The following LINGO2 variants were observed in gnomAD, a reference collection of about 807,000 sequenced individuals.
The protein encoded by LINGO2 is leucine rich repeat and Ig domain containing 2, also known as leucine-rich repeat and immunoglobulin-like domain-containing nogo receptor-interacting protein 2.
A neutral mutation model predicts 30.6 loss-of-function variants in LINGO2; 14 were observed. The observed-to-expected ratio is 0.46, with a 90% CI of 0.30 to 0.72. The LOEUF (loss-of-function observed/expected upper bound fraction) is 0.72. LINGO2 is among the 30% of genes least tolerant of loss of function. The pLI, the probability that LINGO2 is intolerant of heterozygous loss-of-function variation, is 0.07. For missense variants in LINGO2, 729 were observed against 751.7 expected (o/e 0.97, Z 0.35); for synonymous variants, 317 against 288.5 (o/e 1.10, Z -1.00).
In LINGO2 at chr9:28,455,595, G is replaced by A. The variant is rs531186177; in HGVS notation, c.-279+20345C>T. Among the ~76,000 whole-genome samples, 9 of 152,220 alleles carry A rather than the reference G, an allele frequency of 5.9e-5. No individual in the cohort carries two copies. The East Asian group carries it at 1.7e-3, about 29-fold the overall frequency. ...AGTAAAAGATAGGTATGGGTTTTGA[G>A]AAGGGACCACATGAAGAGCAATGTA... On this transcript the variant is annotated intron_variant, in intron 2 of 5. Coordinates refer to ENST00000379992, the Ensembl canonical transcript of LINGO2.
At chr9:28,076,627 A>G (rs1421667628) in intron 4 of LINGO2, among the ~76,000 whole-genome samples, 1 of 152,086 alleles carries the variant, frequency 6.6e-6, no homozygotes, top group African/African-American at 2.4e-5. Context: ...TTACTTCTGA[A>G]ACATTCTCTA....
At chr9:28,274,011 G>C (rs1475937282) in intron 4 of LINGO2, among the ~76,000 whole-genome samples, 1 of 152,122 alleles carries the variant, frequency 6.6e-6, no homozygotes, top group Non-Finnish European at 1.5e-5. Context: ...ACAGACTTAA[G>C]AGACCATTAT....
intron 4 of LINGO2, among the ~76,000 whole-genome samples, chr9:28,072,915 G>T (rs1047621031): frequency 1.4e-4 from 21 of 151,870 alleles, no homozygotes; most frequent in African/African-American, 4.8e-4. Flanking sequence ...TTTTCTCTCT[G>T]GCCCACTTCT....
At chr9:28,949,556 C>T in the LINGO2 span, among the ~76,000 whole-genome samples, 1 of 152,094 alleles carries the variant, frequency 6.6e-6, no homozygotes, top group Non-Finnish European at 1.5e-5. Flanking sequence ...CAAGACTAAA[C>T]CAGGAAGAAG....
intron 4 of LINGO2, among the ~76,000 whole-genome samples, chr9:28,016,228 G>T (rs1413254301): frequency 6.6e-6 from 1 of 152,026 alleles, no homozygotes. Flanking sequence ...TTAAAAGCTG[G>T]CAGTAGATAC....
chr9:28,655,176 T>G (rs767887543), intron 1 of LINGO2, among the ~76,000 whole-genome samples: 1 of 152,092 alleles, frequency 6.6e-6, no homozygotes, highest in African/African-American at 2.4e-5. Context: ...AGGGACTTCC[T>G]TCTTCACTGG....
chr9:28,271,020 T>C (rs1822919556), intron 4 of LINGO2, among the ~76,000 whole-genome samples: 1 of 152,110 alleles, frequency 6.6e-6, no homozygotes, highest in Non-Finnish European at 1.5e-5. Flanking sequence ...TATAGGATCA[T>C]CAGAAGCATG....
rs143314360 is a variant in LINGO2, at chr9:28,148,945, C to T, written c.-86-136540G>A. The T allele has an allele frequency of 6.3e-4, 965 of 1,534,030 alleles. 5 individuals are homozygous for T. The African/African-American group carries it at 0.011, about 17-fold the overall frequency. ...CTTCTCCACACAGAGCTGCCGGCCA[C>T]AGTTCCCACAAAAGAAAACTGTCGG... is the stretch of plus-strand genomic sequence containing the variant. On this transcript the variant is annotated intron_variant, in intron 4 of 5. Transcript: ENST00000379992. The surrounding 1 kb of genome is among the most constrained non-coding windows in gnomAD (Gnocchi z 5.1).
At chr9:28,733,824 A>T in the LINGO2 span, among the ~76,000 whole-genome samples, 1 of 152,020 alleles carries the variant, frequency 6.6e-6, no homozygotes, top group Non-Finnish European at 1.5e-5. Context: ...ATCCATTCAC[A>T]TATCTATTCT....
At chr9:28,118,322 A>T (rs1399295935) in intron 4 of LINGO2, among the ~76,000 whole-genome samples, 1 of 152,214 alleles carries the variant, frequency 6.6e-6, no homozygotes, top group East Asian at 1.9e-4. Flanking sequence ...TCTTACTTCT[A>T]AATGAATAGC....
At chr9:28,572,820 A>C (rs535731366) in intron 1 of LINGO2, among the ~76,000 whole-genome samples, 1 of 152,260 alleles carries the variant, frequency 6.6e-6, no homozygotes, top group African/African-American at 2.4e-5. Flanking sequence ...TGCAAGCTAA[A>C]TATATTGCCT....
At chr9:28,131,855 T>C (rs1275001832) in intron 4 of LINGO2, among the ~76,000 whole-genome samples, 2 of 152,056 alleles carry the variant, frequency 1.3e-5, no homozygotes, top group East Asian at 3.9e-4. Flanking sequence ...AGAAGAAGGC[T>C]CAATATAGAA....
At position 28,148,880 on chromosome 9, in the gene LINGO2, A is replaced by C. The variant is rs1337648329; in HGVS notation, c.-86-136475T>G. ...AGGCTTGCTGATGGTGGGGGAGGACATGCAGCCCAAGGATCCTGCAGCTCT... is the reference window on the plus strand; with the variant it reads ...AGGCTTGCTGATGGTGGGGGAGGACCTGCAGCCCAAGGATCCTGCAGCTCT... On this transcript the variant is annotated intron_variant, in intron 4 of 5. Transcript: ENST00000379992. The surrounding 1 kb of genome is among the most constrained non-coding windows in gnomAD (Gnocchi z 5.1). 1.3e-6 allele frequency: 2 copies of C among 1,533,756 alleles called. No homozygotes were observed. Among genetic ancestry groups the C allele is most frequent in the Non-Finnish European group, 1.7e-6 (2 of 1,146,514 alleles).
At chr9:28,382,725 T>C (rs1299737364) in intron 2 of LINGO2, among the ~76,000 whole-genome samples, 1 of 152,100 alleles carries the variant, frequency 6.6e-6, no homozygotes, top group African/African-American at 2.4e-5. Context: ...TTTTAGACAG[T>C]TGACATAACT....
intron 4 of LINGO2, among the ~76,000 whole-genome samples, chr9:28,020,788 A>T (rs1427523074): frequency 6.6e-6 from 1 of 152,184 alleles, no homozygotes; most frequent in Non-Finnish European, 1.5e-5. Flanking sequence ...TTGAGGATTT[A>T]GTCCACTTTA....
chr9:28,329,047 C>T lies in LINGO2; in HGVS notation c.-245-33681G>A, dbSNP rs553499280. Among the ~76,000 whole-genome samples the T allele has an allele frequency of 6.6e-6, 1 of 152,212 alleles. No individual in the cohort carries two copies. Among genetic ancestry groups the T allele is most frequent in the African/African-American group, 2.4e-5 (1 of 41,552 alleles). On this transcript the variant is annotated intron_variant, in intron 3 of 5. Coordinates refer to ENST00000379992, the Ensembl canonical transcript of LINGO2. This position sits in a 1 kb window ranked among gnomAD's most constrained non-coding sequence, Gnocchi z 4.5. ...TCACCCCATCCGTATACGAGCTAGGCCTTATCCCTTACAAGAGCAGTCCCA... is the reference window on the plus strand; with the variant it reads ...TCACCCCATCCGTATACGAGCTAGGTCTTATCCCTTACAAGAGCAGTCCCA...
intron 3 of LINGO2, among the ~76,000 whole-genome samples, chr9:28,319,263 C>G (rs767254343): frequency 1.3e-5 from 2 of 152,172 alleles, no homozygotes; most frequent in Non-Finnish European, 2.9e-5. Context: ...CCCCTCTCCT[C>G]CTCCATTCTC....
At chr9:28,185,267 T>A (rs1325852573) in intron 4 of LINGO2, among the ~76,000 whole-genome samples, 4 of 152,236 alleles carry the variant, frequency 2.6e-5, no homozygotes, top group African/African-American at 9.6e-5. Flanking sequence ...ACATCCATTT[T>A]AATTTTTTCA....
chr9:28,457,780 C>T (rs1277219026), intron 2 of LINGO2, among the ~76,000 whole-genome samples: 1 of 152,068 alleles, frequency 6.6e-6, no homozygotes, highest in Non-Finnish European at 1.5e-5. Context: ...CTACCTCCAA[C>T]CAGAGAATGA....
Sources: allele counts gnomAD v4.1 joint callset (sites outside exome capture counted in the v4.1 genomes callset), GRCh38; gene constraint gnomAD v4.1.1; non-coding constraint Gnocchi (gnomAD v3.1); transcripts MANE v1.5; gene names NCBI Gene and HGNC (gene_info 2026-07-23, HGNC 2026-07-21).